The following FGFR2 variants were observed in gnomAD, a reference collection of about 807,000 sequenced individuals.
FGFR2 encodes the protein fibroblast growth factor receptor 2.
A neutral mutation model predicts 95.9 loss-of-function variants in FGFR2; 19 were observed. The ratio of observed to expected loss-of-function variants is 0.20; its 90% CI spans 0.14 to 0.29. The LOEUF (loss-of-function observed/expected upper bound fraction) is 0.29, where lower values mean the gene tolerates loss of function less well. Among genes scored for constraint, FGFR2 ranks in the 10% least tolerant of loss-of-function variants. The pLI, the probability that FGFR2 is intolerant of heterozygous loss-of-function variation, is 1.00. For missense variants in FGFR2, 707 were observed against 1,056.9 expected, an observed-to-expected ratio of 0.67 and a Z score of 4.59; for synonymous variants, 392 against 393.3, an observed-to-expected ratio of 1.00 and a Z score of 0.04.
chr10:121,547,941 C>T lies in FGFR2; in HGVS notation c.624+3349G>A, dbSNP rs557944444. Among the ~76,000 whole-genome samples the T allele has an allele frequency of 2.6e-5, 4 of 152,306 alleles. No homozygotes were observed. The South Asian group carries it at 8.3e-4, about 32-fold the overall frequency. The stretch of plus-strand genomic sequence containing the variant: ...TAACACATCATTAGCGAAGATGATG[C>T]CTTAGGTAACTGAAGGAACCTTCCC... On this transcript the variant is annotated intron_variant, in intron 5 of 17. Coordinates refer to ENST00000358487, the MANE Select transcript of FGFR2 (RefSeq NM_000141.5).
At position 121,479,658 on chromosome 10, in the gene FGFR2, CCTT is replaced by C; in HGVS notation, c.*196_*198del. 17 of 1,552,338 alleles carry C rather than the reference CCTT, an allele frequency of 1.1e-5. No homozygotes were observed. The highest frequency in any genetic ancestry group is 1.5e-5 in the Non-Finnish European group (17 of 1,147,254). On this transcript the variant is annotated 3_prime_UTR_variant, in exon 18 of 18. Transcript: ENST00000358487. ...TTGTGGCAGTCCACTGCTCCAGAAACCTTCTTCTCCTCCTGGGGAAGATTACAA... is the reference window on the plus strand; with the variant it reads ...TTGTGGCAGTCCACTGCTCCAGAAACCTTCTCCTCCTGGGGAAGATTACAA...
At chr10:121,487,475 T>C in intron 14 of FGFR2, 51 bp from the exon 15 acceptor site, 3 of 1,475,776 alleles carry the variant, frequency 2.0e-6, no homozygotes, top group Non-Finnish European at 2.8e-6. Flanking sequence ...AAAGAATTTA[T>C]CTTAGCAGGC....
At chr10:121,532,280 T>G (rs1852187089) in intron 6 of FGFR2, among the ~76,000 whole-genome samples, 1 of 152,146 alleles carries the variant, frequency 6.6e-6, no homozygotes, top group Admixed American at 6.5e-5. Context: ...TAAAAGGTAA[T>G]GGTCAGGCTT....
chr10:121,512,249 T>G (rs1474521088), intron 9 of FGFR2, among the ~76,000 whole-genome samples: 2 of 152,216 alleles, frequency 1.3e-5, no homozygotes, highest in East Asian at 1.9e-4. Context: ...TCTGGGGCTT[T>G]TCATTCCAGC....
intron 6 of FGFR2, chr10:121,538,214 C>T (rs1853140107): frequency 1.6e-6 from 1 of 629,278 alleles, no homozygotes; most frequent in Admixed American, 2.7e-5. Flanking sequence ...TCTACAGTTG[C>T]CCTGTTGGGG....
intron 6 of FGFR2, among the ~76,000 whole-genome samples, chr10:121,537,538 C>A (rs1853028444): frequency 6.6e-6 from 1 of 152,150 alleles, no homozygotes; most frequent in Non-Finnish European, 1.5e-5. Context: ...GAGACCCACA[C>A]ATGAGATGAT....
chr10:121,588,809 T>C (rs1171348821), intron 2 of FGFR2, among the ~76,000 whole-genome samples: 1 of 152,068 alleles, frequency 6.6e-6, no homozygotes, highest in Non-Finnish European at 1.5e-5. Flanking sequence ...GAGGACCCCT[T>C]CAGCCCAGGA....
chr10:121,565,678 G>C lies in FGFR2; in HGVS notation c.136C>G (p.Gln46Glu). Residue 46 changes from glutamine (Q) to glutamate (E), a missense_variant, in exon 3 of 18, where the codon CAA (glutamine) becomes GAA (glutamate). Physicochemically the swap from Gln to Glu is conservative, Grantham distance 29. Coordinates refer to ENST00000358487, the MANE Select transcript of FGFR2 (RefSeq NM_000141.5). The part of the protein sequence containing the change: ...EEPPTKYQIS[Q>E]PEVYVAAPGE... ...GGCGCAGCCACGTACACTTCTGGTT[G>C]AGAGATTTGGTATTTGGTTGGTGGC... 6.2e-7 allele frequency: 1 copy of C among 1,614,224 alleles called. No homozygotes were observed. Among genetic ancestry groups the C allele is most frequent in the Non-Finnish European group, 8.5e-7 (1 of 1,180,048 alleles).
chr10:121,543,121 C>T (rs888265917), intron 5 of FGFR2, among the ~76,000 whole-genome samples: 1 of 152,198 alleles, frequency 6.6e-6, no homozygotes, highest in Non-Finnish European at 1.5e-5. Flanking sequence ...ACCCAATTTT[C>T]CCAGGAAGAC....
intron 1 of FGFR2, among the ~76,000 whole-genome samples, chr10:121,597,250 G>GA (rs988705784): frequency 2.0e-5 from 3 of 152,132 alleles, no homozygotes; most frequent in South Asian, 2.1e-4. Context: ...CCCCGTGGCC[G>GA]AAAAAAATGA....
chr10:121,490,691 C>CCGA (rs1230755704), intron 13 of FGFR2, among the ~76,000 whole-genome samples: 1 of 152,144 alleles, frequency 6.6e-6, no homozygotes, highest in Admixed American at 6.5e-5. Flanking sequence ...TCTTATCAGT[C>CCGA]CATTCAACAA....
chr10:121,495,390 T>C (rs1417057362), intron 13 of FGFR2, among the ~76,000 whole-genome samples: 1 of 152,134 alleles, frequency 6.6e-6, no homozygotes, highest in African/African-American at 2.4e-5. Flanking sequence ...TAGCCAGGCA[T>C]GGTGGCACAT....
chr10:121,506,060 C>T (rs890596480), intron 9 of FGFR2, among the ~76,000 whole-genome samples: 1 of 152,054 alleles, frequency 6.6e-6, no homozygotes, highest in African/African-American at 2.4e-5. Flanking sequence ...TCCAGCCAAA[C>T]TAGTAAGAAC....
intron 2 of FGFR2, among the ~76,000 whole-genome samples, chr10:121,590,962 GGCACGCAC>G (rs569281100): frequency 2.0e-5 from 3 of 152,022 alleles, no homozygotes; most frequent in South Asian, 2.1e-4. Context: ...CAGGGGCACA[GGCACGCAC>G]GCACGCACGC....
intron 4 of FGFR2, among the ~76,000 whole-genome samples, chr10:121,560,615 C>CAAAAAAAAA (rs34753296): frequency 1.9e-4 from 10 of 51,814 alleles, no homozygotes; most frequent in African/African-American, 6.9e-4. Flanking sequence ...ACTCCGTCCC[C>CAAAAAAAAA]AAAAAAAAAA....
At chr10:121,542,220 C>G (rs565186153) in intron 5 of FGFR2, among the ~76,000 whole-genome samples, 1 of 151,988 alleles carries the variant, frequency 6.6e-6, no homozygotes, top group Non-Finnish European at 1.5e-5. Context: ...CCTAAAGATG[C>G]ATATAAAACT....
chr10:121,509,304 C>G (rs1848709386), intron 9 of FGFR2, among the ~76,000 whole-genome samples: 1 of 151,938 alleles, frequency 6.6e-6, no homozygotes, highest in African/African-American at 2.4e-5. Context: ...TTCACAGACT[C>G]CAATTCCATT....
chr10:121,503,711 A>G (rs1388125981), intron 10 of FGFR2, 79 bp downstream of exon 10: 2 of 1,544,468 alleles, frequency 1.3e-6, no homozygotes, highest in Non-Finnish European at 1.8e-6. Context: ...GCTAAGGGTC[A>G]TAAAAAGAAA....
At chr10:121,594,737 T>C (rs1863183660) in intron 1 of FGFR2, among the ~76,000 whole-genome samples, 1 of 152,240 alleles carries the variant, frequency 6.6e-6, no homozygotes, top group African/African-American at 2.4e-5. Context: ...GCTAAATGTC[T>C]TCAACCTCTG....
Sources: allele counts gnomAD v4.1 joint callset (sites outside exome capture counted in the v4.1 genomes callset), GRCh38; gene constraint gnomAD v4.1.1; transcripts MANE v1.5; gene names NCBI Gene and HGNC (gene_info 2026-07-23, HGNC 2026-07-21).